PLXNA2: variants seen among roughly 807,000 people sequenced by gnomAD.
PLXNA2 encodes the protein plexin-A2.
PLXNA2 carries 91 observed loss-of-function variants against 193.5 expected under a neutral mutation model. That is an observed-to-expected ratio of 0.47 (90% CI 0.40 to 0.56). The LOEUF (loss-of-function observed/expected upper bound fraction) is 0.56. PLXNA2 is among the 20% of genes least tolerant of loss of function. The pLI is 0.00. For missense variants in PLXNA2, 1,995 were observed against 2,503.2 expected (o/e 0.80, Z 4.33); for synonymous variants, 997 against 1,027.3 (o/e 0.97, Z 0.56).
intron 3 of PLXNA2, among the ~76,000 whole-genome samples, chr1:208,145,267 C>T (rs887856788): frequency 2.6e-5 from 4 of 152,088 alleles, no homozygotes; most frequent in Admixed American, 6.5e-5. Flanking sequence ...AGTGCTTCTC[C>T]CACCTTCCCT....
chr1:208,052,616 C>A (rs1321169076), intron 14 of PLXNA2, among the ~76,000 whole-genome samples, 153 bp from the exon 15 acceptor site: 1 of 152,080 alleles, frequency 6.6e-6, no homozygotes, highest in East Asian at 1.9e-4. Flanking sequence ...TCTGCTTACC[C>A]CAGAGGTGAG....
At chr1:208,160,939 G>A (rs1359457607) in intron 3 of PLXNA2, among the ~76,000 whole-genome samples, 1 of 152,200 alleles carries the variant, frequency 6.6e-6, no homozygotes, top group African/African-American at 2.4e-5. Flanking sequence ...GTGGCATGAG[G>A]GAATCACATC....
chr1:208,138,735 A>T (rs543914480), intron 4 of PLXNA2, among the ~76,000 whole-genome samples: 18 of 152,350 alleles, frequency 1.2e-4, no homozygotes, highest in African/African-American at 3.6e-4. Flanking sequence ...CATAAAAAAA[A>T]TTTTAAATTG....
At chr1:208,127,760 C>T (rs926117185) in intron 4 of PLXNA2, among the ~76,000 whole-genome samples, 11 of 152,166 alleles carry the variant, frequency 7.2e-5, no homozygotes, top group African/African-American at 2.2e-4. Context: ...GGAGTAACTC[C>T]GGGGCAGCCA....
At chr1:208,092,230 C>T (rs1300441288) in intron 9 of PLXNA2, among the ~76,000 whole-genome samples, 1 of 152,238 alleles carries the variant, frequency 6.6e-6, no homozygotes, top group East Asian at 1.9e-4. Context: ...GATGGAGTTT[C>T]GACTGTATAA....
chr1:208,097,792 T>C (rs185032370), intron 6 of PLXNA2, among the ~76,000 whole-genome samples: 7 of 152,100 alleles, frequency 4.6e-5, no homozygotes, highest in African/African-American at 1.7e-4. Context: ...GGTGTGCCCA[T>C]AGGGTTCATG....
At position 208,096,773 on chromosome 1, in the gene PLXNA2, G is replaced by C; in HGVS notation, c.1842C>G (p.Ile614Met). 6.2e-7 allele frequency: 1 copy of C among 1,614,142 alleles called. No individual in the cohort carries two copies. Among genetic ancestry groups the C allele is most frequent in the South Asian group, 1.1e-5 (1 of 91,070 alleles). The change falls in exon 7 of 32, where the codon ATC (isoleucine) becomes ATG (methionine). Residue 614 changes from isoleucine (I) to methionine (M), a missense_variant. Physicochemically the swap from Ile to Met is conservative, Grantham distance 10. Coordinates refer to ENST00000367033, the MANE Select transcript of PLXNA2 (RefSeq NM_025179.4). ...CAGGGACATCCTTGGGCCCAGGTGA[G>C]ATGCAGATGACCTGGCTCCCGGACA... ...GQVSGSQVIC[I>M]SPGPKDVPVI...
chr1:208,031,399 C>T (rs1254785512), intron 29 of PLXNA2, 191 bp downstream of exon 29: 4 of 1,372,166 alleles, frequency 2.9e-6, no homozygotes, highest in Non-Finnish European at 2.9e-6. Context: ...GCAGGCCCCA[C>T]TTGGCACAGG....
At chr1:208,139,545 A>G (rs1318363006) in intron 4 of PLXNA2, among the ~76,000 whole-genome samples, 1 of 152,212 alleles carries the variant, frequency 6.6e-6, no homozygotes, top group Non-Finnish European at 1.5e-5. Flanking sequence ...AGGTTAAGTG[A>G]CTTGTGCAAG....
chr1:208,122,015 T>C (rs1274746266), intron 4 of PLXNA2, among the ~76,000 whole-genome samples: 1 of 151,954 alleles, frequency 6.6e-6, no homozygotes, highest in East Asian at 1.9e-4. Context: ...TGCACACAAC[T>C]GTGAGAAGAA....
At position 208,039,625 on chromosome 1, in the gene PLXNA2, G is replaced by T. The variant is rs1427242740; in HGVS notation, c.4496C>A (p.Thr1499Asn). 6.2e-7 allele frequency: 1 copy of T among 1,613,772 alleles called. No individual in the cohort carries two copies. Among genetic ancestry groups the T allele is most frequent in the South Asian group, 1.1e-5 (1 of 91,062 alleles). ...KLIRQQIEYK[T>N]LILNCVNPDN... ...CGGAGCTTCCGGCTTCCTCACCAGG[G>T]TCTTGTACTCGATCTGCTGCCGGAT... is the stretch of plus-strand genomic sequence containing the variant. Residue 1499 changes from threonine (T) to asparagine (N), a missense_variant, in exon 24 of 32, where the codon ACC becomes AAC. This residue lies in a region of PLXNA2 where 1,291 missense variants were observed against 1,673.6 expected (regional missense o/e 0.77). Transcript: ENST00000367033.
At chr1:208,148,598 T>A (rs1389618512) in intron 3 of PLXNA2, among the ~76,000 whole-genome samples, 3 of 152,174 alleles carry the variant, frequency 2.0e-5, no homozygotes, top group African/African-American at 7.2e-5. Context: ...TATTGATTTA[T>A]TATGTGCCTA....
At chr1:208,100,637 T>C (rs1667064191) in intron 5 of PLXNA2, among the ~76,000 whole-genome samples, 1 of 152,236 alleles carries the variant, frequency 6.6e-6, no homozygotes, top group Non-Finnish European at 1.5e-5. Flanking sequence ...GGCCATGTTT[T>C]ATTCATTGGG....
At chr1:208,213,949 C>G (rs1010423427) in intron 2 of PLXNA2, among the ~76,000 whole-genome samples, 2 of 152,212 alleles carry the variant, frequency 1.3e-5, no homozygotes, top group Admixed American at 1.3e-4. Flanking sequence ...AGAGTGTCAT[C>G]TTCCTCTTTC....
chr1:208,206,291 C>T (rs968683452), intron 3 of PLXNA2, among the ~76,000 whole-genome samples: 2 of 152,202 alleles, frequency 1.3e-5, no homozygotes, highest in East Asian at 1.9e-4. Context: ...CACTGTGTCT[C>T]GTGACATAGA....
intron 9 of PLXNA2, among the ~76,000 whole-genome samples, chr1:208,086,833 A>C (rs1200705655): frequency 6.6e-6 from 1 of 150,812 alleles, no homozygotes; most frequent in Non-Finnish European, 1.5e-5. Context: ...AGGGAAGCCC[A>C]GGCATCTCAT....
rs188027333 is a variant in PLXNA2 at position 208,239,458 on chromosome 1, T to G, written c.-81+4185A>C. Among the ~76,000 whole-genome samples, 145 of 152,362 alleles carry G rather than the reference T, an allele frequency of 9.5e-4. 2 individuals carry two copies. The highest frequency in any genetic ancestry group is 3.3e-3 in the African/African-American group (137 of 41,590). Reference sequence around the variant, plus strand: ...GTGCCCACATCTTGACTTCTGTCTTTCCATGTGTGCCTTTGCTCCTGCATC... The same window carrying G: ...GTGCCCACATCTTGACTTCTGTCTTGCCATGTGTGCCTTTGCTCCTGCATC... On this transcript the variant is annotated intron_variant, in intron 1 of 31. Transcript: ENST00000367033.
intron 3 of PLXNA2, among the ~76,000 whole-genome samples, chr1:208,174,869 G>A (rs753885690): frequency 1.3e-5 from 2 of 152,194 alleles, no homozygotes; most frequent in Non-Finnish European, 2.9e-5. Flanking sequence ...AATTCCCCGA[G>A]GAAATGAGCT....
intron 3 of PLXNA2, 135 bp from the exon 4 acceptor site, chr1:208,142,598 ACTT>A: frequency 1.2e-6 from 1 of 824,192 alleles, no homozygotes; most frequent in Non-Finnish European, 1.8e-6. Flanking sequence ...CTGAAGTGCC[ACTT>A]CTTTTAAACA....
Sources: gnomAD v4.1 joint callset for allele counts (sites outside exome capture counted in the v4.1 genomes callset) on GRCh38, gnomAD v4.1.1 for gene constraint, gnomAD v4.1.1 regional missense constraint, MANE v1.5 for transcripts, NCBI Gene and HGNC (gene_info 2026-07-23, HGNC 2026-07-21) for gene names.